Variants in PPARG observed in about 807,000 individuals in gnomAD.
PPARG encodes peroxisome proliferator activated receptor gamma.
Under a neutral mutation model 39.2 loss-of-function variants are expected in PPARG, and 17 were observed. The ratio of observed to expected loss-of-function variants is 0.43; its 90% confidence interval spans 0.30 to 0.65. The LOEUF (loss-of-function observed/expected upper bound fraction) is 0.65, where lower values mean the gene tolerates loss of function less well. Among genes scored for constraint, PPARG ranks in the 30% least tolerant of loss-of-function variants. PPARG has a pLI of 0.13. For synonymous variants in PPARG, 223 were observed against 215.7 expected (o/e 1.03, Z -0.30); for missense variants, 406 against 585.9 (o/e 0.69, Z 3.17).
At chr3:12,406,250 A>AT (rs1447144241) in intron 6 of PPARG, 169 bp downstream of exon 6, 2 of 722,308 alleles carry the variant, frequency 2.8e-6, no homozygotes, top group Non-Finnish European at 4.9e-6. Flanking sequence ...GTGTTTTCAG[A>AT]TAGCACAAGT....
At chr3:12,345,665 A>G (rs544144894) in intron 2 of PPARG, among the ~76,000 whole-genome samples, 1 of 152,278 alleles carries the variant, frequency 6.6e-6, no homozygotes. Context: ...AAGAGTTGGA[A>G]TATGCTAATC....
At chr3:12,379,233 G>C (rs2049531811) in intron 2 of PPARG, among the ~76,000 whole-genome samples, 1 of 152,222 alleles carries the variant, frequency 6.6e-6, no homozygotes, top group East Asian at 1.9e-4. Flanking sequence ...TCGAACTCCT[G>C]ACCTCAGGTG....
At chr3:12,329,825 G>C (rs905730463) in intron 2 of PPARG, among the ~76,000 whole-genome samples, 1 of 152,062 alleles carries the variant, frequency 6.6e-6, no homozygotes, top group Non-Finnish European at 1.5e-5. Context: ...GGTTATCTCT[G>C]TTCTACTTTC....
intron 2 of PPARG, among the ~76,000 whole-genome samples, chr3:12,357,507 G>A (rs2048706687): frequency 6.6e-6 from 1 of 152,000 alleles, no homozygotes; most frequent in Non-Finnish European, 1.5e-5. Flanking sequence ...CTAGGACAGG[G>A]GAATTACATA....
At chr3:12,405,333 A>G (rs528027212) in intron 5 of PPARG, among the ~76,000 whole-genome samples, 33 of 152,358 alleles carry the variant, frequency 2.2e-4, no homozygotes, top group Non-Finnish European at 2.6e-4. Flanking sequence ...TACATGTAAA[A>G]GTGCTCTCTG....
chr3:12,430,643 T>G (rs1167503022), intron 7 of PPARG, among the ~76,000 whole-genome samples: 1 of 152,126 alleles, frequency 6.6e-6, no homozygotes, highest in African/African-American at 2.4e-5. Flanking sequence ...AACCATTCAG[T>G]GAATGTAATC....
At position 12,364,745 on chromosome 3, in the gene PPARG, A is replaced by AGTG. The variant is rs1166981574; in HGVS notation, c.-8-14956_-8-14954dup. Among the ~76,000 whole-genome samples the AGTG allele has an allele frequency of 3.9e-5, 6 of 152,310 alleles. No individual in the cohort carries two copies. The East Asian group carries it at 1.2e-3, about 29-fold the overall frequency. On this transcript the variant is annotated intron_variant, in intron 2 of 7. Coordinates refer to ENST00000651735, the MANE Select transcript of PPARG (RefSeq NM_138711.6). Reference sequence around the variant, plus strand: ...TTTAGATTTTAGCCATTCTATTTGTAGTGGTATCTTCTTGTTTTAGTTTGC... The same window carrying AGTG: ...TTTAGATTTTAGCCATTCTATTTGTAGTGGTGGTATCTTCTTGTTTTAGTTTGC...
At chr3:12,391,588 C>T (rs946968435) in intron 4 of PPARG, among the ~76,000 whole-genome samples, 1 of 152,082 alleles carries the variant, frequency 6.6e-6, no homozygotes, top group Non-Finnish European at 1.5e-5. Flanking sequence ...TGGAGAAAGC[C>T]GCAAGTGAAG....
intron 2 of PPARG, among the ~76,000 whole-genome samples, chr3:12,328,645 G>A (rs2047762145): frequency 6.6e-6 from 1 of 152,238 alleles, no homozygotes; most frequent in South Asian, 2.1e-4. Context: ...CTTGAGCAGA[G>A]GGTGAGAGAG....
At position 12,430,417 on chromosome 3, in the gene PPARG, GATA is replaced by G. The variant is rs548055561; in HGVS notation, c.1181-3476_1181-3474del. ...AAGAAAGTCAGAACTTACAATACAA[GATA>G]ATAAGGAATAAGAGCAGAGCCTTTG... On this transcript the variant is annotated intron_variant, in intron 7 of 7. Coordinates refer to ENST00000651735, the MANE Select transcript of PPARG (RefSeq NM_138711.6). Among the ~76,000 whole-genome samples the G allele has an allele frequency of 6.6e-4, 100 of 152,278 alleles. 1 individual carries two copies. The highest frequency in any genetic ancestry group is 2.3e-3 in the African/African-American group (96 of 41,540).
At chr3:12,382,095 T>C (rs1270065179) in intron 4 of PPARG, among the ~76,000 whole-genome samples, 1 of 152,120 alleles carries the variant, frequency 6.6e-6, no homozygotes, top group East Asian at 1.9e-4. Flanking sequence ...CTTGCCAAGG[T>C]CATCCCTTAG....
intron 2 of PPARG, among the ~76,000 whole-genome samples, chr3:12,371,432 C>A (rs1052887879): frequency 4.6e-5 from 7 of 152,184 alleles, no homozygotes; most frequent in African/African-American, 1.4e-4. Flanking sequence ...CAAGACTATT[C>A]CCTACGCCTT....
chr3:12,314,728 C>T (rs2047341508), intron 2 of PPARG, among the ~76,000 whole-genome samples: 2 of 152,076 alleles, frequency 1.3e-5, no homozygotes, highest in Admixed American at 1.3e-4. Flanking sequence ...GGATTGGATC[C>T]TAGAGCTGAA....
chr3:12,336,614 G>A (rs1245771794), intron 2 of PPARG, among the ~76,000 whole-genome samples: 1 of 152,156 alleles, frequency 6.6e-6, no homozygotes, highest in Non-Finnish European at 1.5e-5. Flanking sequence ...GCTGTGGATA[G>A]ATTCTCCTTT....
chr3:12,338,711 T>A (rs2048087933), intron 2 of PPARG, among the ~76,000 whole-genome samples: 1 of 152,220 alleles, frequency 6.6e-6, no homozygotes, highest in Admixed American at 6.5e-5. Flanking sequence ...ACTTTTTTCT[T>A]TTTCAACTCT....
At chr3:12,335,625 T>A (rs1383729094) in intron 2 of PPARG, among the ~76,000 whole-genome samples, 1 of 152,204 alleles carries the variant, frequency 6.6e-6, no homozygotes, top group Non-Finnish European at 1.5e-5. Flanking sequence ...ATGCAACAAT[T>A]CTTAATGCAA....
At chr3:12,293,917 T>C (rs762441421) in intron 1 of PPARG, among the ~76,000 whole-genome samples, 39 of 152,234 alleles carry the variant, frequency 2.6e-4, no homozygotes, top group Non-Finnish European at 4.7e-4. Flanking sequence ...AAAATGTCTT[T>C]GAATTTGAAT....
chr3:12,342,168 C>T (rs1376842864), intron 2 of PPARG, among the ~76,000 whole-genome samples: 3 of 152,096 alleles, frequency 2.0e-5, no homozygotes, highest in Non-Finnish European at 4.4e-5. Context: ...AACTTGAATC[C>T]AGAAATCCTT....
intron 6 of PPARG, among the ~76,000 whole-genome samples, chr3:12,413,772 C>T (rs191610605): frequency 1.8e-3 from 263 of 148,296 alleles, no homozygotes; most frequent in Middle Eastern, 6.8e-3. Flanking sequence ...GCCTAGATTG[C>T]GCCATTGCAC....
Sources: allele counts gnomAD v4.1 joint callset (sites outside exome capture counted in the v4.1 genomes callset), GRCh38; gene constraint gnomAD v4.1.1; transcripts MANE v1.5; gene names NCBI Gene and HGNC (gene_info 2026-07-23, HGNC 2026-07-21).